The following MAGI1 variants were observed in gnomAD, a reference collection of about 807,000 sequenced individuals.
MAGI1 encodes membrane-associated guanylate kinase, WW and PDZ domain-containing protein 1.
Under a neutral mutation model 139.9 loss-of-function variants are expected in MAGI1, and 58 were observed. The observed-to-expected ratio is 0.41, with a 90% CI of 0.34 to 0.52. The LOEUF is 0.52. Among genes scored for constraint, MAGI1 ranks in the 20% least tolerant of loss-of-function variants. MAGI1 has a pLI of 0.12. For synonymous variants in MAGI1, 812 were observed against 737.9 expected (o/e 1.10, Z -1.63); for missense variants, 1,874 against 1,901.6 (o/e 0.99, Z 0.27).
chr3:65,683,140 C>A (rs1038108691), intron 1 of MAGI1, among the ~76,000 whole-genome samples: 1 of 152,144 alleles, frequency 6.6e-6, no homozygotes, highest in Non-Finnish European at 1.5e-5. Context: ...CAGCCCAGTT[C>A]CTAACAGGCC....
intron 2 of MAGI1, among the ~76,000 whole-genome samples, chr3:65,614,712 G>A (rs953149258): frequency 4.6e-5 from 7 of 152,190 alleles, no homozygotes; most frequent in African/African-American, 9.6e-5. Context: ...TGTAAAGTAC[G>A]TAGGCTCTTT....
At chr3:65,509,411 G>A (rs995799591) in intron 2 of MAGI1, among the ~76,000 whole-genome samples, 4 of 152,150 alleles carry the variant, frequency 2.6e-5, no homozygotes, top group African/African-American at 9.7e-5. Context: ...ATCTCACTAG[G>A]GAGTGCCAGA....
intron 1 of MAGI1, among the ~76,000 whole-genome samples, chr3:65,695,888 C>G (rs2089139508): frequency 6.6e-6 from 1 of 152,100 alleles, no homozygotes; most frequent in Non-Finnish European, 1.5e-5. Flanking sequence ...TTGTGCTTTA[C>G]TCACTCTTTA....
chr3:65,660,833 T>C (rs1021696), intron 1 of MAGI1, among the ~76,000 whole-genome samples: 57,342 of 151,998 alleles, frequency 0.38, 11,190 homozygotes, highest in East Asian at 0.6. Context: ...GCTATTACAA[T>C]ACTTTGGACC....
chr3:65,700,959 C>T (rs920954505), intron 1 of MAGI1, among the ~76,000 whole-genome samples: 3 of 152,126 alleles, frequency 2.0e-5, no homozygotes, highest in Non-Finnish European at 4.4e-5. Context: ...AAGGCTGGGA[C>T]CCCCAAATCA....
intron 2 of MAGI1, among the ~76,000 whole-genome samples, chr3:65,601,535 A>G (rs1254207660): frequency 2.0e-5 from 3 of 152,220 alleles, no homozygotes; most frequent in Non-Finnish European, 4.4e-5. Context: ...ATTAAAAAAC[A>G]AAAGTAGAAA....
chr3:65,645,823 C>CT (rs1216254239), intron 1 of MAGI1, among the ~76,000 whole-genome samples: 1 of 151,968 alleles, frequency 6.6e-6, no homozygotes, highest in African/African-American at 2.4e-5. Flanking sequence ...ATTTTATATA[C>CT]TTTTGAGTAT....
intron 1 of MAGI1, among the ~76,000 whole-genome samples, chr3:65,997,417 G>A (rs2066505759): frequency 6.6e-6 from 1 of 152,192 alleles, no homozygotes; most frequent in African/African-American, 2.4e-5. Flanking sequence ...AGCACTTTGG[G>A]AGGCTGAGGC....
At chr3:65,461,786 C>T (rs1218376417) in intron 5 of MAGI1, among the ~76,000 whole-genome samples, 6 of 152,070 alleles carry the variant, frequency 3.9e-5, no homozygotes, top group African/African-American at 1.4e-4. Flanking sequence ...CCACGTCCAG[C>T]CTGTTTCTTG....
chr3:65,813,226 C>A (rs941582914), intron 1 of MAGI1, among the ~76,000 whole-genome samples: 22 of 151,962 alleles, frequency 1.4e-4, no homozygotes, highest in Non-Finnish European at 2.5e-4. Flanking sequence ...AGCGCCACAC[C>A]CCCATTTCTC....
intron 10 of MAGI1, among the ~76,000 whole-genome samples, chr3:65,435,834 A>G (rs1005157858): frequency 6.6e-6 from 1 of 152,178 alleles, no homozygotes; most frequent in African/African-American, 2.4e-5. Flanking sequence ...CAGAAGGAAC[A>G]GCCACTGCAA....
intron 1 of MAGI1, among the ~76,000 whole-genome samples, chr3:65,906,390 T>G (rs963005371): frequency 1.8e-4 from 28 of 152,268 alleles, no homozygotes; most frequent in African/African-American, 6.0e-4. Context: ...GCATGTCCAC[T>G]GGTCAGTTTA....
At chr3:65,694,932 A>G (rs1421349943) in intron 1 of MAGI1, among the ~76,000 whole-genome samples, 1 of 152,044 alleles carries the variant, frequency 6.6e-6, no homozygotes. Context: ...TTTTGTGTGT[A>G]TGTATTAGCC....
Position 65,574,435 on chromosome 3 carries a change from G to T in MAGI1, c.430+47537C>A, listed in dbSNP as rs188572293. 4.5e-3 allele frequency among the ~76,000 whole-genome samples: 626 copies of T among 140,540 alleles called. 2 individuals are homozygous for T. The highest frequency in any genetic ancestry group is 0.015 in the African/African-American group (555 of 36,880). 92.2% of individuals were successfully genotyped at this position (140,540 alleles called of 152,430 possible). Reference sequence around the variant, plus strand: ...ATCTGACTGGAGATGTAAATGACCTGCATAGAAACTAAAAAAAAAAAAAAA... The same window carrying T: ...ATCTGACTGGAGATGTAAATGACCTTCATAGAAACTAAAAAAAAAAAAAAA... On this transcript the variant is annotated intron_variant, in intron 2 of 22. Transcript: ENST00000402939.
chr3:66,015,450 T>G (rs918824381), intron 1 of MAGI1, among the ~76,000 whole-genome samples: 14 of 151,806 alleles, frequency 9.2e-5, no homozygotes, highest in Admixed American at 2.6e-4. Flanking sequence ...TGCCTACCAT[T>G]AACAGCAGTG....
At chr3:66,029,053 C>G (rs763818707) in intron 1 of MAGI1, among the ~76,000 whole-genome samples, 21 of 152,126 alleles carry the variant, frequency 1.4e-4, no homozygotes, top group African/African-American at 2.2e-4. Flanking sequence ...GAGTAGGTAT[C>G]ATTATTATCC....
At chr3:65,732,187 TC>T (rs2034259808) in intron 1 of MAGI1, among the ~76,000 whole-genome samples, 1 of 152,176 alleles carries the variant, frequency 6.6e-6, no homozygotes, top group African/African-American at 2.4e-5. Context: ...GAAGAAAAGT[TC>T]CTGCCTCTTT....
intron 1 of MAGI1, among the ~76,000 whole-genome samples, chr3:65,693,222 G>T (rs771900841): frequency 6.6e-6 from 1 of 152,114 alleles, no homozygotes; most frequent in African/African-American, 2.4e-5. Flanking sequence ...TGGGATTATG[G>T]GTGTGAATCA....
intron 2 of MAGI1, among the ~76,000 whole-genome samples, chr3:65,516,056 T>G (rs1464363805): frequency 6.6e-6 from 1 of 152,146 alleles, no homozygotes; most frequent in East Asian, 1.9e-4. Flanking sequence ...AGTGTAATAA[T>G]AAGCTGGGTG....
Sources: allele counts gnomAD v4.1 joint callset (sites outside exome capture counted in the v4.1 genomes callset), GRCh38; gene constraint gnomAD v4.1.1; transcripts MANE v1.5; gene names NCBI Gene and HGNC (gene_info 2026-07-23, HGNC 2026-07-21).